Variants in SMAD1 observed in about 807,000 individuals in gnomAD.
The protein encoded by SMAD1 is MAD, mothers against decapentaplegic homolog 1.
A neutral mutation model predicts 41.6 loss-of-function variants in SMAD1; 6 were observed. The ratio of observed to expected loss-of-function variants is 0.14; its 90% confidence interval spans 0.08 to 0.28. The LOEUF is 0.28. Among genes scored for constraint, SMAD1 ranks in the 10% least tolerant of loss-of-function variants. The pLI is 1.00. For synonymous variants in SMAD1, 206 were observed against 203.2 expected, an observed-to-expected ratio of 1.01 and a Z score of -0.12; for missense variants, 379 against 582.6, an observed-to-expected ratio of 0.65 and a Z score of 3.60.
At chr4:145,526,155 T>G (rs1731006832) in intron 2 of SMAD1, among the ~76,000 whole-genome samples, 1 of 152,234 alleles carries the variant, frequency 6.6e-6, no homozygotes, top group Non-Finnish European at 1.5e-5. Context: ...AATTGCCCAG[T>G]GGCCTGTCTG....
chr4:145,537,659 A>G (rs1731691082), intron 2 of SMAD1, among the ~76,000 whole-genome samples: 1 of 152,080 alleles, frequency 6.6e-6, no homozygotes, highest in African/African-American at 2.4e-5. Context: ...ACAAGATGCT[A>G]CACACACACA....
chr4:145,530,897 T>G (rs1471955368), intron 2 of SMAD1, among the ~76,000 whole-genome samples: 1 of 152,380 alleles, frequency 6.6e-6, no homozygotes, highest in South Asian at 2.1e-4. Context: ...CATGGGTTAC[T>G]TAGCTAGGCT....
At chr4:145,546,659 CTG>C (rs750825363) in intron 4 of SMAD1, 42 bp from the exon 5 acceptor site, 5 of 1,420,460 alleles carry the variant, frequency 3.5e-6, no homozygotes, top group Non-Finnish European at 5.0e-6. Context: ...TTTTGAGAGC[CTG>C]AGGCACTAAC....
chr4:145,550,134 G>A (rs554871058), intron 5 of SMAD1, among the ~76,000 whole-genome samples: 2 of 152,238 alleles, frequency 1.3e-5, no homozygotes, highest in African/African-American at 4.8e-5. Context: ...TGGAAATAAG[G>A]CAAGATGATC....
At chr4:145,499,248 C>T (rs544513376) in intron 1 of SMAD1, among the ~76,000 whole-genome samples, 48 of 152,310 alleles carry the variant, frequency 3.2e-4, no homozygotes, top group South Asian at 1.4e-3. Flanking sequence ...TGATATGGCA[C>T]CACAAGTGGA....
chr4:145,528,005 C>T (rs1312425063), intron 2 of SMAD1, among the ~76,000 whole-genome samples: 4 of 151,548 alleles, frequency 2.6e-5, no homozygotes, highest in East Asian at 1.9e-4. Context: ...CTCAGCCTCC[C>T]GAGTGTCTGG....
rs569435168 is a variant in SMAD1, at chr4:145,554,052, C to G, written c.1254+12C>G. The G allele has an allele frequency of 2.5e-6, 4 of 1,606,670 alleles. No individual in the cohort carries two copies. The highest frequency in any genetic ancestry group is 1.1e-5 in the South Asian group (1 of 90,616). Reference sequence around the variant, plus strand: ...TGAGCTTTGTGAAGGTAAGTGAGCTCCGACTCCTCCATTTAGGGCCTAACA... The same window carrying G: ...TGAGCTTTGTGAAGGTAAGTGAGCTGCGACTCCTCCATTTAGGGCCTAACA... On this transcript the variant is annotated intron_variant, in intron 6 of 6. Transcript: ENST00000302085.
intron 2 of SMAD1, among the ~76,000 whole-genome samples, chr4:145,517,635 TTTTAA>T (rs934253195): frequency 3.3e-4 from 50 of 152,284 alleles, no homozygotes; most frequent in African/African-American, 1.2e-3. Flanking sequence ...TGATGCTGAT[TTTTAA>T]TTTAATATCG....
intron 1 of SMAD1, among the ~76,000 whole-genome samples, chr4:145,505,301 G>A (rs1729704724): frequency 6.6e-6 from 1 of 152,188 alleles, no homozygotes; most frequent in South Asian, 2.1e-4. Flanking sequence ...AAAATTGGAT[G>A]TTAGGATAGA....
upstream of SMAD1, chr4:145,481,758 CGTGTG>C (rs1728181196): frequency 1.1e-5 from 2 of 180,252 alleles, no homozygotes; most frequent in Non-Finnish European, 2.2e-5. Context: ...AGCGGGTGAG[CGTGTG>C]AGCGGGCGGG....
chr4:145,550,785 T>C (rs78025453), intron 5 of SMAD1, among the ~76,000 whole-genome samples: 7,751 of 152,208 alleles, frequency 0.051, 247 homozygotes, highest in South Asian at 0.075. Flanking sequence ...CCCTTCCCAA[T>C]AGCCACAGAA....
chr4:145,544,474 G>C (rs1732136180), intron 4 of SMAD1: 1 of 152,100 alleles, frequency 6.6e-6, no homozygotes, highest in East Asian at 1.9e-4. Flanking sequence ...CGAGCTACTT[G>C]GGAGGCTGAG....
chr4:145,532,679 C>T (rs1346517076), intron 2 of SMAD1, among the ~76,000 whole-genome samples: 2 of 152,120 alleles, frequency 1.3e-5, no homozygotes, highest in East Asian at 3.8e-4. Context: ...TTGAAGTTAC[C>T]AAACAAGGGT....
intron 2 of SMAD1, among the ~76,000 whole-genome samples, chr4:145,528,347 CCCT>C (rs1174260798): frequency 1.3e-5 from 2 of 152,110 alleles, no homozygotes; most frequent in Non-Finnish European, 2.9e-5. Flanking sequence ...TTGTGATTTG[CCCT>C]CCTCAGCCTC....
At chr4:145,554,429 A>G (rs1732727842) in intron 6 of SMAD1, among the ~76,000 whole-genome samples, 1 of 151,934 alleles carries the variant, frequency 6.6e-6, no homozygotes, top group Admixed American at 6.6e-5. Context: ...TTGTACTTTT[A>G]TGATGGTAAT....
At chr4:145,528,748 A>G (rs1429408944) in intron 2 of SMAD1, among the ~76,000 whole-genome samples, 1 of 152,196 alleles carries the variant, frequency 6.6e-6, no homozygotes, top group Admixed American at 6.5e-5. Context: ...TTGTGTAATG[A>G]CTACCTCTTA....
rs1022723866 is a variant in SMAD1, at chr4:145,481,941, G to C, written c.-274G>C. ...CAACCCGGGCCGAGGCTCGGGGAGC[G>C]GAGAGTGGCGCAGCGCCCGGCCGTC... On this transcript the variant is annotated 5_prime_UTR_variant, in exon 1 of 7. Transcript: ENST00000302085. 1.3e-5 allele frequency: 2 copies of C among 152,246 alleles called. No homozygotes were observed. Among genetic ancestry groups the C allele is most frequent in the African/African-American group, 2.4e-5 (1 of 41,490 alleles). 9.4% of individuals were successfully genotyped at this position (152,246 alleles called of 1,614,324 possible). A position where few individuals can be genotyped will look rare whatever the true frequency, so the allele number is the denominator to read the frequency against.
At chr4:145,533,691 G>C (rs989595334) in intron 2 of SMAD1, among the ~76,000 whole-genome samples, 1 of 152,126 alleles carries the variant, frequency 6.6e-6, no homozygotes, top group Non-Finnish European at 1.5e-5. Flanking sequence ...CAAGACCCCA[G>C]CTCTAAAAAT....
chr4:145,490,111 C>G (rs1340148086), intron 1 of SMAD1, among the ~76,000 whole-genome samples: 3 of 152,090 alleles, frequency 2.0e-5, no homozygotes, highest in Non-Finnish European at 4.4e-5. Context: ...CTTATATTGC[C>G]TTAAGTGACT....
Sources: allele counts gnomAD v4.1 joint callset (sites outside exome capture counted in the v4.1 genomes callset), GRCh38; gene constraint gnomAD v4.1.1; transcripts MANE v1.5; gene names NCBI Gene and HGNC (gene_info 2026-07-23, HGNC 2026-07-21).